Variants in PRKN observed in about 807,000 individuals in gnomAD.
PRKN encodes the protein parkin RBR E3 ubiquitin protein ligase.
In PRKN, 56 loss-of-function variants were observed where a neutral mutation model predicts 59.5. That is an observed-to-expected ratio of 0.94 (90% CI 0.76 to 1.18). The LOEUF is 1.18. Ranked by LOEUF, PRKN falls within the 50% of genes most tolerant of loss-of-function variation. The pLI, the probability that PRKN is intolerant of heterozygous loss-of-function variation, is 0.00. For synonymous variants in PRKN, 250 were observed against 222.1 expected, an observed-to-expected ratio of 1.13 and a Z score of -1.12; for missense variants, 657 against 596.4, an observed-to-expected ratio of 1.10 and a Z score of -1.06.
At chr6:162,010,260 ATTT>A (rs1782446480) in intron 5 of PRKN, among the ~76,000 whole-genome samples, 1 of 129,654 alleles carries the variant, frequency 7.7e-6, no homozygotes, top group Admixed American at 9.6e-5. Context: ...CATAATATAT[ATTT>A]TATATATATT....
intron 9 of PRKN, among the ~76,000 whole-genome samples, chr6:161,435,685 C>T (rs902818577): frequency 5.6e-4 from 85 of 151,802 alleles, no homozygotes; most frequent in African/African-American, 2.0e-3. Flanking sequence ...CTTGACTTTT[C>T]TGCATCACTT....
At chr6:162,215,195 T>C (rs1325103537) in intron 3 of PRKN, among the ~76,000 whole-genome samples, 1 of 152,192 alleles carries the variant, frequency 6.6e-6, no homozygotes, top group East Asian at 1.9e-4. Context: ...GATAATTTTA[T>C]CTCTCCTACC....
At chr6:161,945,790 T>C (rs921457058) in intron 6 of PRKN, among the ~76,000 whole-genome samples, 4 of 152,186 alleles carry the variant, frequency 2.6e-5, no homozygotes, top group Admixed American at 2.6e-4. Context: ...GACATGACAG[T>C]TTCCCTCTTT....
chr6:162,245,077 T>C (rs1479508538), intron 3 of PRKN, among the ~76,000 whole-genome samples: 1 of 152,116 alleles, frequency 6.6e-6, no homozygotes, highest in East Asian at 1.9e-4. Flanking sequence ...ATTTTACATA[T>C]TAAATAGGAC....
chr6:161,846,921 T>C (rs1465656413), intron 6 of PRKN, among the ~76,000 whole-genome samples: 6 of 152,176 alleles, frequency 3.9e-5, no homozygotes, highest in Non-Finnish European at 8.8e-5. Flanking sequence ...GATGAGACTA[T>C]GGATGCTGTG....
chr6:162,536,112 A>C (rs934265796), intron 1 of PRKN, among the ~76,000 whole-genome samples: 2 of 152,086 alleles, frequency 1.3e-5, no homozygotes, highest in African/African-American at 4.8e-5. Context: ...CTTACAACTT[A>C]AGGCCAAACC....
At chr6:162,237,816 G>C (rs979623168) in intron 3 of PRKN, among the ~76,000 whole-genome samples, 3 of 151,832 alleles carry the variant, frequency 2.0e-5, no homozygotes, top group Non-Finnish European at 4.4e-5. Flanking sequence ...TGAGGTAGGA[G>C]GGTGCATTTC....
At chr6:162,719,629 C>T (rs539879475) in intron 1 of PRKN, among the ~76,000 whole-genome samples, 1 of 152,208 alleles carries the variant, frequency 6.6e-6, no homozygotes, top group African/African-American at 2.4e-5. Context: ...GCAGACAATT[C>T]CCAATCTAGG....
intron 4 of PRKN, among the ~76,000 whole-genome samples, chr6:162,172,771 A>C (rs1783349031): frequency 6.6e-6 from 1 of 152,162 alleles, no homozygotes; most frequent in African/African-American, 2.4e-5. Flanking sequence ...CTATACTCAG[A>C]ATCAGAAAAA....
At chr6:161,821,440 GA>G (rs759599063) in intron 6 of PRKN, among the ~76,000 whole-genome samples, 13 of 140,280 alleles carry the variant, frequency 9.3e-5, no homozygotes, top group Non-Finnish European at 1.6e-4. Flanking sequence ...CAATAAAAGG[GA>G]TTTTTTTTTT....
intron 4 of PRKN, among the ~76,000 whole-genome samples, chr6:162,055,489 C>G (rs1225974135): frequency 2.0e-5 from 3 of 152,098 alleles, no homozygotes; most frequent in Non-Finnish European, 2.9e-5. Flanking sequence ...AGGAAAGCCC[C>G]AGGTGGCAGC....
chr6:161,570,146 A>AAATATAT (rs869285771), intron 7 of PRKN, among the ~76,000 whole-genome samples: 3 of 76,610 alleles, frequency 3.9e-5, no homozygotes, highest in Admixed American at 1.9e-4. Context: ...AAAAAAAAAA[A>AAATATAT]ATATATATAT....
chr6:161,623,392 G>A (rs758052785), intron 7 of PRKN, among the ~76,000 whole-genome samples: 29 of 152,296 alleles, frequency 1.9e-4, no homozygotes, highest in Middle Eastern at 6.8e-3. Context: ...TTTTATTGTA[G>A]TATTCCCTAG....
intron 5 of PRKN, among the ~76,000 whole-genome samples, chr6:161,997,954 G>A (rs1372252489): frequency 6.6e-6 from 1 of 152,082 alleles, no homozygotes; most frequent in Non-Finnish European, 1.5e-5. Flanking sequence ...AGGTAATGAC[G>A]AGCTTTGATG....
Position 161,395,211 on chromosome 6 carries a change from C to T in PRKN, c.1084-8334G>A, listed in dbSNP as rs537102700. ...TTTATGCTATTTTTAAACAAAAATA[C>T]CCTATAAAACATTGTATAATGTGCT... On this transcript the variant is annotated intron_variant, in intron 9 of 11. Coordinates refer to ENST00000366898, the MANE Select transcript of PRKN (RefSeq NM_004562.3). This position sits in a 1 kb window ranked among gnomAD's most constrained non-coding sequence, Gnocchi z 5.0. 2.0e-5 allele frequency among the ~76,000 whole-genome samples: 3 copies of T among 152,220 alleles called. No homozygotes were observed. The South Asian group carries it at 6.2e-4, about 32-fold the overall frequency.
Position 162,021,237 on chromosome 6 carries a change from T to C in PRKN, c.618+32854A>G, listed in dbSNP as rs9365361. Among the ~76,000 whole-genome samples the C allele has an allele frequency of 2.3e-3, 298 of 131,118 alleles. 9 individuals are homozygous for C. The East Asian group carries it at 0.054, about 24-fold the overall frequency. 86.0% of individuals were successfully genotyped at this position (131,118 alleles called of 152,430 possible). A position where few individuals can be genotyped will look rare whatever the true frequency, so the allele number is the denominator to read the frequency against. On this transcript the variant is annotated intron_variant, in intron 5 of 11. Transcript: ENST00000366898. Reference sequence around the variant, plus strand: ...AACATCTATATACATCAAATATATATATAATGTACTTAATTGATAAGAAAA... The same window carrying C: ...AACATCTATATACATCAAATATATACATAATGTACTTAATTGATAAGAAAA...
intron 5 of PRKN, among the ~76,000 whole-genome samples, chr6:162,049,234 C>T (rs1395484612): frequency 6.8e-6 from 1 of 147,272 alleles, no homozygotes; most frequent in South Asian, 2.1e-4. Flanking sequence ...GTTCTAAGTA[C>T]ATGGATATTT....
chr6:162,057,370 G>A (rs752080925), intron 4 of PRKN, among the ~76,000 whole-genome samples: 2 of 152,170 alleles, frequency 1.3e-5, no homozygotes, highest in Non-Finnish European at 2.9e-5. Context: ...GGACTTGGAA[G>A]GCAGAAGTGA....
intron 5 of PRKN, among the ~76,000 whole-genome samples, chr6:161,986,494 T>G (rs1442030739): frequency 1.6e-5 from 2 of 124,072 alleles, no homozygotes; most frequent in Admixed American, 1.6e-4. Flanking sequence ...CAGTGTCCTT[T>G]TTTTTTTTTT....
Sources: gnomAD v4.1 joint callset for allele counts (sites outside exome capture counted in the v4.1 genomes callset) on GRCh38, gnomAD v4.1.1 for gene constraint, Gnocchi (gnomAD v3.1) non-coding constraint, MANE v1.5 for transcripts, NCBI Gene and HGNC (gene_info 2026-07-23, HGNC 2026-07-21) for gene names.